The following COL28A1 variants were observed in gnomAD, a reference collection of about 807,000 sequenced individuals.
COL28A1 encodes the protein collagen alpha-1(XXVIII) chain.
COL28A1 carries 161 observed loss-of-function variants against 150.2 expected under a neutral mutation model. The ratio of observed to expected loss-of-function variants is 1.07; its 90% CI spans 0.94 to 1.22. The LOEUF (loss-of-function observed/expected upper bound fraction) is 1.22, where lower values mean the gene tolerates loss of function less well. COL28A1 is among the 50% of genes most tolerant of loss of function. The pLI, the probability that COL28A1 is intolerant of heterozygous loss-of-function variation, is 0.00. For synonymous variants in COL28A1, 552 were observed against 469.7 expected, an observed-to-expected ratio of 1.18 and a Z score of -2.26; for missense variants, 1,617 against 1,388.3, an observed-to-expected ratio of 1.16 and a Z score of -2.62.
intron 13 of COL28A1, among the ~76,000 whole-genome samples, chr7:7,484,273 T>G (rs77228513): frequency 0.098 from 14,940 of 152,078 alleles, 907 homozygotes; most frequent in Middle Eastern, 0.21. Flanking sequence ...GAAACCATGG[T>G]TGCCAGCAGA....
chr7:7,414,964 A>G (rs1354152866), intron 27 of COL28A1, among the ~76,000 whole-genome samples: 1 of 152,168 alleles, frequency 6.6e-6, no homozygotes, highest in African/African-American at 2.4e-5. Context: ...ACATATTTTT[A>G]CTCACTACTT....
intron 24 of COL28A1, 30 bp from the exon 25 acceptor site, chr7:7,432,571 G>A: frequency 1.2e-6 from 2 of 1,611,734 alleles, no homozygotes; most frequent in South Asian, 2.2e-5. Context: ...GAGGGAGTGA[G>A]CATCCTTGTA....
chr7:7,520,129 G>A lies in COL28A1; in HGVS notation c.760-14C>T. 8.5e-7 allele frequency: 1 copy of A among 1,169,680 alleles called. No individual in the cohort carries two copies. The highest frequency in any genetic ancestry group is 1.3e-5 in the South Asian group (1 of 78,896). The allele number at this position is 1,169,680 out of a possible 1,614,324, so 72.5% of individuals were successfully genotyped here. ...TCCATGTGTACCCTGAAGGCAAAGG[G>A]AAAAAATATTATTTTAAGTAGGAAT... On this transcript the variant is annotated splice_polypyrimidine_tract_variant and intron_variant, in intron 5 of 34. Transcript: ENST00000399429.
chr7:7,515,471 G>A (rs941042769), intron 8 of COL28A1, among the ~76,000 whole-genome samples: 3 of 152,142 alleles, frequency 2.0e-5, no homozygotes, highest in African/African-American at 7.2e-5. Context: ...AAACACCAAG[G>A]GTGCAACCTA....
intron 11 of COL28A1, among the ~76,000 whole-genome samples, chr7:7,503,905 T>C (rs1583522004): frequency 6.6e-6 from 1 of 152,198 alleles, no homozygotes; most frequent in Non-Finnish European, 1.5e-5. Context: ...GGCAATGAAC[T>C]TTGTTCACTT....
At chr7:7,391,203 C>A (rs1782521918) in intron 27 of COL28A1, among the ~76,000 whole-genome samples, 1 of 152,116 alleles carries the variant, frequency 6.6e-6, no homozygotes, top group Non-Finnish European at 1.5e-5. Flanking sequence ...TTTCAAAGAA[C>A]TTATTTATCT....
At chr7:7,379,163 G>A (rs544501511) in intron 30 of COL28A1, among the ~76,000 whole-genome samples, 2 of 152,280 alleles carry the variant, frequency 1.3e-5, no homozygotes, top group South Asian at 4.1e-4. Context: ...AGAAGGACGA[G>A]GGTTCCAGAG....
At chr7:7,511,687 G>C (rs1328738036) in intron 8 of COL28A1, 1 of 467,090 alleles carries the variant, frequency 2.1e-6, no homozygotes, top group Non-Finnish European at 4.4e-6. Context: ...GGAGAACCGT[G>C]AGAGAAAGGT....
intron 8 of COL28A1, among the ~76,000 whole-genome samples, chr7:7,512,722 A>T (rs1285921291): frequency 1.3e-5 from 2 of 152,210 alleles, no homozygotes; most frequent in African/African-American, 4.8e-5. Context: ...ATATATCGTT[A>T]TTTTGATCCT....
At chr7:7,397,799 G>T (rs1782925553) in intron 27 of COL28A1, among the ~76,000 whole-genome samples, 1 of 152,094 alleles carries the variant, frequency 6.6e-6, no homozygotes, top group Non-Finnish European at 1.5e-5. Flanking sequence ...ACACAAATTG[G>T]GCATAAGAGT....
In COL28A1 at chr7:7,489,391, G is replaced by A. The variant is rs774030491; in HGVS notation, c.1162C>T (p.Pro388Ser). Residue 388 changes from proline to serine, a missense_variant and splice_region_variant, in exon 13 of 35, where the codon CCA (proline) becomes TCA (serine). Physicochemically the swap from Pro to Ser is moderately conservative, Grantham distance 74. Coordinates refer to ENST00000399429, the MANE Select transcript of COL28A1 (RefSeq NM_001037763.3). ...CATCTAGAATTTTTGCTACTTACTG[G>A]CTGTCCAGGCTCACCAACTCCAATG... ...GPIGVGEPGQ[P>S]GPRGPEGVPG... The A allele has an allele frequency of 5.4e-6, 7 of 1,306,562 alleles. No homozygotes were observed. The African/African-American group carries it at 1.0e-4, about 19-fold the overall frequency. The allele number at this position is 1,306,562 out of a possible 1,614,324, so 80.9% of individuals were successfully genotyped here. A position where few individuals can be genotyped will look rare whatever the true frequency, so the allele number is the denominator to read the frequency against.
the COL28A1 span, among the ~76,000 whole-genome samples, chr7:7,341,901 GA>G: frequency 3.3e-5 from 5 of 151,944 alleles, no homozygotes; most frequent in Non-Finnish European, 5.9e-5. Flanking sequence ...ATTTATACAT[GA>G]AGAGAATATA....
At chr7:7,393,474 T>C (rs1782662852) in intron 27 of COL28A1, among the ~76,000 whole-genome samples, 1 of 152,200 alleles carries the variant, frequency 6.6e-6, no homozygotes, top group Non-Finnish European at 1.5e-5. Context: ...TAGCAGAGCT[T>C]GAACGCTGGG....
chr7:7,526,369 CA>C (rs1782024972), intron 3 of COL28A1, among the ~76,000 whole-genome samples: 1 of 151,974 alleles, frequency 6.6e-6, no homozygotes, highest in Non-Finnish European at 1.5e-5. Context: ...ACAAAATTTC[CA>C]AAAAAACATT....
intron 1 of COL28A1, among the ~76,000 whole-genome samples, chr7:7,533,423 T>G (rs1782479078): frequency 6.6e-6 from 1 of 152,012 alleles, no homozygotes. Flanking sequence ...AGTTCAGAGG[T>G]CAAGGTAAAA....
intron 25 of COL28A1, among the ~76,000 whole-genome samples, chr7:7,429,210 C>CA (rs201892005): frequency 0.012 from 1,874 of 152,232 alleles, 22 homozygotes; most frequent in Middle Eastern, 0.037. Flanking sequence ...GGCTCTACTA[C>CA]CACACACACA....
chr7:7,515,906 G>A (rs1562885583), intron 7 of COL28A1, 66 bp from the exon 8 acceptor site: 1 of 791,368 alleles, frequency 1.3e-6, no homozygotes, highest in East Asian at 2.4e-5. Context: ...TAAGGATTAG[G>A]TATTTTTCAA....
chr7:7,358,500 G>T lies in COL28A1; in HGVS notation c.*133C>A. 1.2e-6 allele frequency: 1 copy of T among 821,460 alleles called. No homozygotes were observed. The highest frequency in any genetic ancestry group is 2.5e-5 in the East Asian group (1 of 39,464). 50.9% of individuals were successfully genotyped at this position (821,460 alleles called of 1,614,324 possible). On this transcript the variant is annotated 3_prime_UTR_variant, in exon 35 of 35. Coordinates refer to ENST00000399429, the MANE Select transcript of COL28A1 (RefSeq NM_001037763.3). Reference sequence around the variant, plus strand: ...ATAATATGTACATCCTAGGGCTGTAGTGAGAATTCAATTACATGTATAAGT... The same window carrying T: ...ATAATATGTACATCCTAGGGCTGTATTGAGAATTCAATTACATGTATAAGT...
downstream of COL28A1, among the ~76,000 whole-genome samples, chr7:7,354,705 G>A (rs533044384): frequency 1.8e-4 from 28 of 152,146 alleles, no homozygotes; most frequent in African/African-American, 6.7e-4. Context: ...TAAAATATTG[G>A]GACACTTCCA....
Sources: gnomAD v4.1 joint callset for allele counts (sites outside exome capture counted in the v4.1 genomes callset) on GRCh38, gnomAD v4.1.1 for gene constraint, MANE v1.5 for transcripts, NCBI Gene and HGNC (gene_info 2026-07-23, HGNC 2026-07-21) for gene names.